MLLT10: variants seen among roughly 807,000 people sequenced by gnomAD.
MLLT10 encodes MLLT10 histone lysine methyltransferase DOT1L cofactor, also known as protein AF-10.
In MLLT10, 30 loss-of-function variants were observed where a neutral mutation model predicts 129.1. That is an observed-to-expected ratio of 0.23 (90% CI 0.17 to 0.32). MLLT10 has a LOEUF of 0.32. Among genes scored for constraint, MLLT10 ranks in the 10% least tolerant of loss-of-function variants. The pLI is 1.00. For synonymous variants in MLLT10, 490 were observed against 446.4 expected (o/e 1.10, Z -1.23); for missense variants, 1,119 against 1,268.3 (o/e 0.88, Z 1.79).
chr10:21,717,831 C>CTCCTCCTTCTCCTCCTCCTT (rs1491386496), intron 14 of MLLT10, among the ~76,000 whole-genome samples: 1 of 22,872 alleles, frequency 4.4e-5, no homozygotes, highest in African/African-American at 1.3e-4. Flanking sequence ...TCCTCCTTCT[C>CTCCTCCTTCTCCTCCTCCTT]CTCCTCCTTC....
chr10:21,614,225 C>T (rs200217259), intron 6 of MLLT10, among the ~76,000 whole-genome samples: 1,929 of 80,184 alleles, frequency 0.024, 1 homozygote, highest in Middle Eastern at 0.034. Flanking sequence ...TTTTTTTTTT[C>T]AAAAAAAAAA....
At chr10:21,716,407 T>G (rs1328224404) in intron 14 of MLLT10, among the ~76,000 whole-genome samples, 1 of 152,148 alleles carries the variant, frequency 6.6e-6, no homozygotes, top group Non-Finnish European at 1.5e-5. Context: ...AAAACGTAAT[T>G]CTAGGCTGGG....
chr10:21,536,029 C>T (rs886342816), intron 2 of MLLT10, among the ~76,000 whole-genome samples: 1 of 152,174 alleles, frequency 6.6e-6, no homozygotes, highest in Non-Finnish European at 1.5e-5. Flanking sequence ...ACCTCTGCCT[C>T]CTGGGTTCAA....
chr10:21,550,478 T>C (rs1232480467), intron 3 of MLLT10, among the ~76,000 whole-genome samples: 3 of 152,190 alleles, frequency 2.0e-5, no homozygotes, highest in African/African-American at 7.2e-5. Context: ...TCTAAGGTAT[T>C]GTTTCTGATA....
chr10:21,561,794 T>C (rs2038843600), intron 3 of MLLT10, among the ~76,000 whole-genome samples: 2 of 152,188 alleles, frequency 1.3e-5, no homozygotes, highest in Non-Finnish European at 2.9e-5. Context: ...GTGCTCTGTT[T>C]TTATGCCAGT....
intron 8 of MLLT10, among the ~76,000 whole-genome samples, chr10:21,623,934 T>C (rs1207395415): frequency 1.3e-5 from 2 of 152,098 alleles, no homozygotes; most frequent in Non-Finnish European, 2.9e-5. Flanking sequence ...TTTTTTTTAA[T>C]AGATTTTTTT....
At chr10:21,732,377 C>G (rs1171784110) in intron 17 of MLLT10, among the ~76,000 whole-genome samples, 1 of 152,174 alleles carries the variant, frequency 6.6e-6, no homozygotes, top group African/African-American at 2.4e-5. Context: ...GCTGGGTGAC[C>G]TGCAGAGCAA....
chr10:21,715,517 C>T (rs991364884), intron 14 of MLLT10, among the ~76,000 whole-genome samples: 3 of 152,164 alleles, frequency 2.0e-5, no homozygotes, highest in African/African-American at 7.2e-5. Context: ...TAATTAAGTG[C>T]AACCATATGC....
At chr10:21,592,019 C>G (rs1379995158) in intron 4 of MLLT10, among the ~76,000 whole-genome samples, 2 of 152,148 alleles carry the variant, frequency 1.3e-5, no homozygotes, top group Non-Finnish European at 2.9e-5. Context: ...CTGCACCTGG[C>G]CTGTGTGTGC....
intron 3 of MLLT10, among the ~76,000 whole-genome samples, chr10:21,568,107 C>A (rs555383103): frequency 6.6e-6 from 1 of 152,128 alleles, no homozygotes; most frequent in Admixed American, 6.6e-5. Context: ...CATGAGCCAC[C>A]GCACCCGGCC....
Position 21,673,735 on chromosome 10 carries a change from C to G in MLLT10, c.1437C>G (p.Gly479=). 2.4e-5 allele frequency: 38 copies of G among 1,614,102 alleles called. No individual in the cohort carries two copies. Among genetic ancestry groups the G allele is most frequent in the Non-Finnish European group, 3.1e-5 (37 of 1,180,008 alleles). Residue 479 remains glycine (G), a synonymous_variant, in exon 11 of 23, where the codon GGC becomes GGG. Transcript: ENST00000307729. ...ATAAACAAAGTAAGCATGGGCCTGG[C>G]AGACCCAAAGGAAACAAAAATCAAG... The part of the protein sequence containing the change: ...KGNKQSKHGP[G]RPKGNKNQEN...
chr10:21,544,835 T>C (rs1191800115), intron 3 of MLLT10, among the ~76,000 whole-genome samples: 1 of 152,066 alleles, frequency 6.6e-6, no homozygotes, highest in Non-Finnish European at 1.5e-5. Context: ...GCATGTTGGT[T>C]TTGATGCTGC....
intron 4 of MLLT10, among the ~76,000 whole-genome samples, chr10:21,593,926 T>TAAAAAAAAAAA (rs61561146): frequency 2.2e-5 from 1 of 45,408 alleles, no homozygotes; most frequent in African/African-American, 1.1e-4. Flanking sequence ...GCTTTGTCTT[T>TAAAAAAAAAAA]AAAAAAAAAA....
chr10:21,708,654 G>T (rs935536397), intron 13 of MLLT10: 9 of 984,912 alleles, frequency 9.1e-6, no homozygotes, highest in Non-Finnish European at 1.1e-5. Flanking sequence ...GCGTAATTTC[G>T]TATGTAAGTA....
chr10:21,730,871 C>T (rs918179087), intron 16 of MLLT10, 29 bp from the exon 17 acceptor site: 8 of 1,613,764 alleles, frequency 5.0e-6, no homozygotes, highest in Non-Finnish European at 6.8e-6. Context: ...CATTCCCCTT[C>T]TTTTTAACTT....
intron 3 of MLLT10, among the ~76,000 whole-genome samples, chr10:21,561,386 G>A (rs2038781091): frequency 6.6e-6 from 1 of 151,972 alleles, no homozygotes; most frequent in African/African-American, 2.4e-5. Context: ...TCACCCTTCC[G>A]AGTAGCTGGG....
At chr10:21,638,349 C>T (rs1002345991) in intron 8 of MLLT10, among the ~76,000 whole-genome samples, 1 of 151,948 alleles carries the variant, frequency 6.6e-6, no homozygotes, top group Non-Finnish European at 1.5e-5. Context: ...TCTGATATAA[C>T]ATATCATTTC....
chr10:21,580,912 C>T (rs1342333948), intron 3 of MLLT10, among the ~76,000 whole-genome samples: 5 of 132,164 alleles, frequency 3.8e-5, no homozygotes, highest in Non-Finnish European at 6.2e-5. Context: ...CGGAGTTTCA[C>T]TATGTTGGCT....
At chr10:21,664,496 C>T (rs1400447863) in intron 9 of MLLT10, among the ~76,000 whole-genome samples, 1 of 151,876 alleles carries the variant, frequency 6.6e-6, no homozygotes, top group Non-Finnish European at 1.5e-5. Context: ...AGGGTTTCAC[C>T]ATGTTGGTCA....
Sources: allele counts gnomAD v4.1 joint callset (sites outside exome capture counted in the v4.1 genomes callset), GRCh38; gene constraint gnomAD v4.1.1; transcripts MANE v1.5; gene names NCBI Gene and HGNC (gene_info 2026-07-23, HGNC 2026-07-21).